Variants in SMCHD1 observed in about 807,000 individuals in gnomAD.
SMCHD1 encodes structural maintenance of chromosomes flexible hinge domain containing 1, also known as structural maintenance of chromosomes flexible hinge domain-containing protein 1.
SMCHD1 carries 78 observed loss-of-function variants against 254.7 expected under a neutral mutation model. The ratio of observed to expected loss-of-function variants is 0.31; its 90% confidence interval spans 0.26 to 0.37. The LOEUF (loss-of-function observed/expected upper bound fraction) is 0.37. SMCHD1 is among the 10% of genes least tolerant of loss of function. The pLI is 1.00. For synonymous variants in SMCHD1, 766 were observed against 794.9 expected (o/e 0.96, Z 0.61); for missense variants, 1,840 against 2,408.1 (o/e 0.76, Z 4.94).
chr18:2,685,114 T>TTTTA (rs1555629875), intron 5 of SMCHD1, among the ~76,000 whole-genome samples: 2 of 144,472 alleles, frequency 1.4e-5, no homozygotes, highest in Non-Finnish European at 3.0e-5. Context: ...TTTTTTTTTT[T>TTTTA]TTTTGAGACG....
At chr18:2,731,782 C>A (rs139152234) in intron 24 of SMCHD1, among the ~76,000 whole-genome samples, 1,534 of 152,244 alleles carry the variant, frequency 0.01, 20 homozygotes, top group African/African-American at 0.035. Context: ...AAGACCGAGG[C>A]CAGTGGATCA....
At chr18:2,777,131 T>A (rs995375537) in intron 42 of SMCHD1, among the ~76,000 whole-genome samples, 1 of 151,246 alleles carries the variant, frequency 6.6e-6, no homozygotes, top group African/African-American at 2.4e-5. Context: ...TTTATCTCTG[T>A]AATCCCTGGA....
chr18:2,784,401 G>T, intron 44 of SMCHD1, 49 bp from the exon 45 acceptor site: 1 of 1,391,754 alleles, frequency 7.2e-7, no homozygotes, highest in Middle Eastern at 1.9e-4. Context: ...CTTTTTTGGA[G>T]CAGTTGAAAT....
At chr18:2,663,721 ATTTT>A (rs577543378) in intron 1 of SMCHD1, among the ~76,000 whole-genome samples, 1 of 146,450 alleles carries the variant, frequency 6.8e-6, no homozygotes, top group South Asian at 2.2e-4. Context: ...TATTCCAGGA[ATTTT>A]TTTTTTTAAG....
At chr18:2,738,268 A>G (rs2075286509) in intron 25 of SMCHD1, 129 bp from the exon 26 acceptor site, 1 of 784,436 alleles carries the variant, frequency 1.3e-6, no homozygotes, top group Non-Finnish European at 1.9e-6. Context: ...ACCGTTTCTG[A>G]CCATAAAGAG....
At chr18:2,708,964 A>G (rs530005774) in intron 17 of SMCHD1, among the ~76,000 whole-genome samples, 2 of 137,178 alleles carry the variant, frequency 1.5e-5, no homozygotes, top group South Asian at 2.4e-4. Context: ...TTGTTGTGCA[A>G]CCATTACCAC....
intron 1 of SMCHD1, among the ~76,000 whole-genome samples, chr18:2,663,437 C>T (rs2073349855): frequency 6.6e-6 from 1 of 151,992 alleles, no homozygotes; most frequent in Non-Finnish European, 1.5e-5. Context: ...TTCAGAAATC[C>T]CTTTATGCTC....
At chr18:2,730,537 C>T (rs2075118586) in intron 24 of SMCHD1, among the ~76,000 whole-genome samples, 1 of 152,168 alleles carries the variant, frequency 6.6e-6, no homozygotes, top group Admixed American at 6.5e-5. Flanking sequence ...TGGCTGATAG[C>T]AAAGCCAACA....
In SMCHD1 at chr18:2,690,676, G is replaced by A. The variant is rs541954972; in HGVS notation, c.873+1929G>A. Among the ~76,000 whole-genome samples the A allele has an allele frequency of 8.9e-5, 13 of 146,266 alleles. No individual in the cohort carries two copies. In the East Asian group the frequency reaches 2.2e-3, roughly 25 times the overall value. On this transcript the variant is annotated intron_variant, in intron 7 of 47. Coordinates refer to ENST00000320876, the MANE Select transcript of SMCHD1 (RefSeq NM_015295.3). ...TTTTTTTTTTTTTAGTGGAGATGGA[G>A]TTTCACCATGTTGGCCAGACTGGTC...
At chr18:2,657,511 A>C (rs2073106010) in intron 1 of SMCHD1, among the ~76,000 whole-genome samples, 1 of 152,228 alleles carries the variant, frequency 6.6e-6, no homozygotes, top group Non-Finnish European at 1.5e-5. Context: ...TTTATAGTAA[A>C]AATATCAGTA....
In SMCHD1 at chr18:2,756,493, G is replaced by T. The variant is rs531782401; in HGVS notation, c.4346+3941G>T. On this transcript the variant is annotated intron_variant, in intron 34 of 47. Coordinates refer to ENST00000320876, the MANE Select transcript of SMCHD1 (RefSeq NM_015295.3). ...AGCCATCTGAGCCTGGTGTTTTTGT[G>T]GGGGGAAGGTTTTAGTGATGGATTC... Among the ~76,000 whole-genome samples the T allele has an allele frequency of 2.0e-4, 31 of 152,248 alleles. No individual in the cohort carries two copies. The South Asian group carries it at 6.0e-3, about 30-fold the overall frequency.
chr18:2,730,170 A>G (rs1218627613), intron 24 of SMCHD1, among the ~76,000 whole-genome samples: 1 of 150,918 alleles, frequency 6.6e-6, no homozygotes, highest in East Asian at 2.0e-4. Flanking sequence ...GATTTTTTTT[A>G]TTTCTATTTA....
At chr18:2,712,806 G>A (rs1007843475) in intron 17 of SMCHD1, among the ~76,000 whole-genome samples, 2 of 152,158 alleles carry the variant, frequency 1.3e-5, no homozygotes, top group Non-Finnish European at 2.9e-5. Flanking sequence ...TTGCAAAACT[G>A]TGTATATCAC....
In SMCHD1 at chr18:2,667,047, A is replaced by G. The variant is rs768735107; in HGVS notation, c.424+16A>G. 20 of 1,536,674 alleles carry G rather than the reference A, an allele frequency of 1.3e-5. No homozygotes were observed. The highest frequency in any genetic ancestry group is 1.7e-4 in the Middle Eastern group (1 of 5,922). On this transcript the variant is annotated intron_variant, in intron 3 of 47. Coordinates refer to ENST00000320876, the MANE Select transcript of SMCHD1 (RefSeq NM_015295.3). ...AATCCTTTGCGTAAGTATCCCATTC[A>G]TACTAATTTTGATAAATTATTACCT...
chr18:2,735,944 CAA>C (rs1223061554), intron 25 of SMCHD1, among the ~76,000 whole-genome samples: 1 of 152,036 alleles, frequency 6.6e-6, no homozygotes, highest in Non-Finnish European at 1.5e-5. Context: ...CTCAAATAGC[CAA>C]AGTGATTAAT....
chr18:2,729,690 A>C (rs1213395839), intron 24 of SMCHD1, among the ~76,000 whole-genome samples: 1 of 150,698 alleles, frequency 6.6e-6, no homozygotes, highest in Non-Finnish European at 1.5e-5. Context: ...CTATTAAAAT[A>C]CATAATTTTA....
In SMCHD1 at chr18:2,694,604, T is replaced by C; in HGVS notation, c.951T>C (p.Asp317=). ...HHLIIEEKEK[D]SFTAVVITGV... is the part of the protein sequence containing the mutation. ...TTATCATAGAGGAGAAGGAAAAAGA[T>C]AGCTTTACTGCTGTGGTTATCACAG... The change falls in exon 8 of 48, where the codon GAT becomes GAC. Residue 317 remains aspartate (D), a synonymous_variant. Coordinates refer to ENST00000320876, the MANE Select transcript of SMCHD1 (RefSeq NM_015295.3). 1.9e-6 allele frequency: 3 copies of C among 1,611,708 alleles called. No individual in the cohort carries two copies. The highest frequency in any genetic ancestry group is 2.5e-6 in the Non-Finnish European group (3 of 1,177,996).
At chr18:2,662,200 TAAAG>T (rs142598745) in intron 1 of SMCHD1, among the ~76,000 whole-genome samples, 2,294 of 106,454 alleles carry the variant, frequency 0.022, 94 homozygotes, top group East Asian at 0.061. Context: ...AATAAATAAA[TAAAG>T]AAAGAAAGAA....
chr18:2,768,653 A>AC (rs369504084), intron 37 of SMCHD1, among the ~76,000 whole-genome samples: 1 of 115,964 alleles, frequency 8.6e-6, no homozygotes, highest in Admixed American at 9.5e-5. Flanking sequence ...TATACAGTAT[A>AC]TAGTATAGTA....
Sources: allele counts gnomAD v4.1 joint callset (sites outside exome capture counted in the v4.1 genomes callset), GRCh38; gene constraint gnomAD v4.1.1; transcripts MANE v1.5; gene names NCBI Gene and HGNC (gene_info 2026-07-23, HGNC 2026-07-21).